CR1: variants seen among roughly 807,000 people sequenced by gnomAD.
CR1 encodes complement C3b/C4b receptor 1 (Knops blood group).
A neutral mutation model predicts 187.3 loss-of-function variants in CR1; 116 were observed. The ratio of observed to expected loss-of-function variants is 0.62; its 90% CI spans 0.53 to 0.72. The LOEUF (loss-of-function observed/expected upper bound fraction) is 0.72. Among genes scored for constraint, CR1 ranks in the 30% least tolerant of loss-of-function variants. CR1 has a pLI of 0.00. For synonymous variants in CR1, 576 were observed against 747.1 expected, an observed-to-expected ratio of 0.77 and a Z score of 3.73; for missense variants, 1,731 against 2,110.7, an observed-to-expected ratio of 0.82 and a Z score of 3.52.
At chr1:207,521,503 C>T (rs868745782) in intron 4 of CR1, among the ~76,000 whole-genome samples, 10 of 151,552 alleles carry the variant, frequency 6.6e-5, no homozygotes, top group South Asian at 2.1e-4. Flanking sequence ...TCCTAGCTTC[C>T]GGTTCATTGA....
chr1:207,581,171 T>C (rs934836798), intron 31 of CR1, among the ~76,000 whole-genome samples: 2 of 152,074 alleles, frequency 1.3e-5, no homozygotes, highest in Non-Finnish European at 2.9e-5. Context: ...TGTACATGTG[T>C]ATACATATGT....
chr1:207,610,928 G>A (rs963164615), intron 37 of CR1, among the ~76,000 whole-genome samples: 3 of 151,904 alleles, frequency 2.0e-5, no homozygotes, highest in African/African-American at 4.8e-5. Context: ...TATCCTTTGT[G>A]TTACAAATAA....
Position 207,496,355 on chromosome 1 carries a change from G to C in CR1, c.88G>C (p.Val30Leu), listed in dbSNP as rs1659081293. 1 of 1,612,106 alleles carries C rather than the reference G, an allele frequency of 6.2e-7. No homozygotes were observed. Among genetic ancestry groups the C allele is most frequent in the African/African-American group, 1.3e-5 (1 of 74,884 alleles). The change falls in exon 1 of 47, where the codon GTT (valine) becomes CTT (leucine). Residue 30 changes from valine (V) to leucine (L), a missense_variant. Transcript: ENST00000367049. The part of the protein sequence containing the change: ...PFCCGGSLLA[V>L]VVLLALPVAW... Reference sequence around the variant, plus strand: ...CTGCTGCGGAGGATCCCTGCTGGCGGTTGTGGTGCTGCTTGCGCTGCCGGT... The same window carrying C: ...CTGCTGCGGAGGATCCCTGCTGGCGCTTGTGGTGCTGCTTGCGCTGCCGGT...
chr1:207,625,883 T>C (rs910202589), intron 45 of CR1, among the ~76,000 whole-genome samples: 1 of 152,228 alleles, frequency 6.6e-6, no homozygotes, highest in African/African-American at 2.4e-5. Context: ...AGTGATGTTA[T>C]CTATAGGAGC....
At chr1:207,622,157 A>C (rs781406782) in intron 44 of CR1, among the ~76,000 whole-genome samples, 161 bp downstream of exon 44, 9 of 152,264 alleles carry the variant, frequency 5.9e-5, no homozygotes, top group Admixed American at 4.6e-4. Context: ...AATAATGATA[A>C]GTTAGGCCAC....
At position 207,496,172 on chromosome 1, in the gene CR1, A is replaced by T. The variant is rs1055679052; in HGVS notation, c.-96A>T. 2 of 1,603,944 alleles carry T rather than the reference A, an allele frequency of 1.2e-6. No homozygotes were observed. Among genetic ancestry groups the T allele is most frequent in the African/African-American group, 1.3e-5 (1 of 74,482 alleles). On this transcript the variant is annotated 5_prime_UTR_variant, in exon 1 of 47. Coordinates refer to ENST00000367049, the MANE Select transcript of CR1 (RefSeq NM_000651.6). ...AGCCCTCCCCACACTCTGGGCGCGG[A>T]GCACAATGATTGGTCACTCCTATTT...
intron 35 of CR1, 28 bp downstream of exon 35, chr1:207,588,802 A>G (rs1488136221): frequency 2.7e-6 from 4 of 1,496,218 alleles, no homozygotes; most frequent in Non-Finnish European, 3.7e-6. Context: ...TCTCTTGAAT[A>G]TGAGTTCCAG....
At chr1:207,515,095 A>G (rs1274689487) in intron 4 of CR1, among the ~76,000 whole-genome samples, 1 of 145,302 alleles carries the variant, frequency 6.9e-6, no homozygotes, top group African/African-American at 2.5e-5. Flanking sequence ...GTGTATGTAT[A>G]TGTGTATATA....
At chr1:207,619,403 AAAAG>A (rs1292455584) in intron 42 of CR1, among the ~76,000 whole-genome samples, 2 of 152,056 alleles carry the variant, frequency 1.3e-5, no homozygotes, top group Non-Finnish European at 2.9e-5. Context: ...AAGAAAAAGA[AAAAG>A]AAAGAAAGAT....
intron 3 of CR1, among the ~76,000 whole-genome samples, chr1:207,509,753 G>T (rs1315155723): frequency 1.3e-5 from 2 of 152,152 alleles, no homozygotes; most frequent in East Asian, 1.9e-4. Context: ...AGCCAGAGGA[G>T]CCTCCAGGAT....
chr1:207,516,946 A>G (rs1435265763), intron 4 of CR1, among the ~76,000 whole-genome samples: 1 of 151,886 alleles, frequency 6.6e-6, no homozygotes, highest in Non-Finnish European at 1.5e-5. Flanking sequence ...CTCTTGCTTT[A>G]TTGCATTGGC....
chr1:207,577,980 A>G lies in CR1; in HGVS notation c.4713A>G (p.Gln1571=), dbSNP rs752717801. Residue 1571 remains glutamine (Q), a synonymous_variant, in exon 29 of 47, where the codon CAA becomes CAG. Coordinates refer to ENST00000367049, the MANE Select transcript of CR1 (RefSeq NM_000651.6). The part of the protein sequence containing the change: ...PSIYCTSNDD[Q]VGIWSGPAPQ... ...TATACTGCACCAGCAATGACGATCA[A>G]GTGGGCATCTGGAGCGGCCCCGCCC... 6.2e-7 allele frequency: 1 copy of G among 1,611,886 alleles called. No homozygotes were observed. Among genetic ancestry groups the G allele is most frequent in the Non-Finnish European group, 8.5e-7 (1 of 1,179,734 alleles).
At chr1:207,511,183 T>A (rs1018215307) in intron 3 of CR1, among the ~76,000 whole-genome samples, 3 of 152,168 alleles carry the variant, frequency 2.0e-5, no homozygotes, top group African/African-American at 7.2e-5. Context: ...CATGCATCCA[T>A]ACTTTTAAGG....
At chr1:207,506,631 T>C in intron 2 of CR1, 83 bp from the exon 3 acceptor site, 1 of 1,110,210 alleles carries the variant, frequency 9.0e-7, no homozygotes, top group Non-Finnish European at 1.4e-6. Context: ...CTCAGTAAGC[T>C]ACAGGCAGGT....
At chr1:207,497,443 G>A (rs1445160289) in intron 1 of CR1, among the ~76,000 whole-genome samples, 1 of 152,046 alleles carries the variant, frequency 6.6e-6, no homozygotes, top group African/African-American at 2.4e-5. Context: ...TGACAACTCC[G>A]GGTTCGCCCT....
intron 35 of CR1, among the ~76,000 whole-genome samples, chr1:207,605,272 GA>G (rs1661714177): frequency 7.9e-6 from 1 of 126,810 alleles, no homozygotes; most frequent in Admixed American, 8.0e-5. Context: ...AAAAAAAAAA[GA>G]AAGAAAGAAA....
At chr1:207,512,634 T>C (rs997067090) in intron 4 of CR1, among the ~76,000 whole-genome samples, 14 of 152,216 alleles carry the variant, frequency 9.2e-5, no homozygotes, top group African/African-American at 3.1e-4. Context: ...CTTCAGAATC[T>C]AAGTTTACAA....
intron 31 of CR1, 39 bp downstream of exon 31, chr1:207,580,652 T>G (rs1247145237): frequency 6.4e-7 from 1 of 1,551,204 alleles, no homozygotes; most frequent in East Asian, 2.2e-5. Context: ...GACTCAGCAC[T>G]GCAGAGTGAC....
intron 24 of CR1, among the ~76,000 whole-genome samples, chr1:207,566,595 A>C (rs1660505102): frequency 6.7e-6 from 1 of 150,248 alleles, no homozygotes; most frequent in Non-Finnish European, 1.5e-5. Context: ...TGAGGCAAAA[A>C]TGGGGAGCAA....
Sources: gnomAD v4.1 joint callset for allele counts (sites outside exome capture counted in the v4.1 genomes callset) on GRCh38, gnomAD v4.1.1 for gene constraint, MANE v1.5 for transcripts, NCBI Gene and HGNC (gene_info 2026-07-23, HGNC 2026-07-21) for gene names.